RFC3: variants seen among roughly 807,000 people sequenced by gnomAD.
The protein encoded by RFC3 is A1 38 kDa subunit.
RFC3 carries 41 observed loss-of-function variants against 45.1 expected under a neutral mutation model. That is an observed-to-expected ratio of 0.91 (90% confidence interval 0.71 to 1.18). The LOEUF (loss-of-function observed/expected upper bound fraction) is 1.18, where lower values mean the gene tolerates loss of function less well. RFC3 is among the 50% of genes most tolerant of loss of function. The pLI is 0.00. For synonymous variants in RFC3, 149 were observed against 144.0 expected (o/e 1.03, Z -0.25); for missense variants, 423 against 428.1 (o/e 0.99, Z 0.10).
At chr13:33,904,912 G>A (rs1446034360) in intron 8 of RFC3, among the ~76,000 whole-genome samples, 3 of 151,930 alleles carry the variant, frequency 2.0e-5, no homozygotes, top group East Asian at 1.9e-4. Context: ...AAATAAGACC[G>A]AACAATATGT....
chr13:33,886,224 C>T (rs576227371), intron 8 of RFC3, among the ~76,000 whole-genome samples: 2 of 152,112 alleles, frequency 1.3e-5, no homozygotes, highest in East Asian at 3.9e-4. Flanking sequence ...CCTGAACTAC[C>T]CTAGAACCAC....
At chr13:33,826,748 GT>G (rs538985655) in intron 4 of RFC3, among the ~76,000 whole-genome samples, 3 of 152,058 alleles carry the variant, frequency 2.0e-5, no homozygotes, top group Admixed American at 1.3e-4. Context: ...GGTAGTTTGA[GT>G]TTTTTTAGAT....
At chr13:33,956,228 G>T (rs1243414425) in intron 8 of RFC3, among the ~76,000 whole-genome samples, 2 of 152,130 alleles carry the variant, frequency 1.3e-5, no homozygotes, top group Admixed American at 1.3e-4. Flanking sequence ...TTGCACTGAG[G>T]TTAATTAAAA....
At chr13:33,903,464 A>G (rs547621038) in intron 8 of RFC3, among the ~76,000 whole-genome samples, 11 of 152,192 alleles carry the variant, frequency 7.2e-5, no homozygotes, top group Middle Eastern at 3.4e-3. Flanking sequence ...TTTAAGTGAA[A>G]TGTATTTACT....
rs538706690 is a variant in RFC3 at position 33,939,898 on chromosome 13, G to T, written c.880-26189G>T. 1.8e-3 allele frequency among the ~76,000 whole-genome samples: 278 copies of T among 152,220 alleles called. 2 individuals are homozygous for T. Among genetic ancestry groups the T allele is most frequent in the Non-Finnish European group, 2.9e-3 (200 of 67,996 alleles). ...ATTTTCTCTTGTCTTTTTAATATTT[G>T]TAAGATCTGAGAGGGTGCTTCTTTT... On this transcript the variant is annotated intron_variant, in intron 8 of 8. Coordinates refer to the RFC3 transcript ENST00000434425.
At chr13:33,975,435 G>A in the RFC3 span, among the ~76,000 whole-genome samples, 2 of 152,106 alleles carry the variant, frequency 1.3e-5, no homozygotes, top group South Asian at 4.1e-4. Flanking sequence ...TTTTAGACTG[G>A]TAAAACTATT....
At chr13:33,851,267 T>G (rs1446543730) in intron 8 of RFC3, among the ~76,000 whole-genome samples, 1 of 152,220 alleles carries the variant, frequency 6.6e-6, no homozygotes, top group Non-Finnish European at 1.5e-5. Flanking sequence ...GATTCCTTAG[T>G]TTATAATATA....
chr13:33,858,540 C>T (rs1469055320), intron 8 of RFC3, among the ~76,000 whole-genome samples: 1 of 152,158 alleles, frequency 6.6e-6, no homozygotes, highest in Admixed American at 6.5e-5. Flanking sequence ...GAGATGGCAG[C>T]TGAAACCCCA....
chr13:33,901,376 G>T (rs1046401470), intron 8 of RFC3, among the ~76,000 whole-genome samples: 1 of 151,930 alleles, frequency 6.6e-6, no homozygotes, highest in African/African-American at 2.4e-5. Flanking sequence ...ATAAAATCTT[G>T]CCATTTTCAG....
At chr13:33,876,490 A>G (rs956498978) in intron 8 of RFC3, among the ~76,000 whole-genome samples, 10 of 152,218 alleles carry the variant, frequency 6.6e-5, no homozygotes, top group Non-Finnish European at 5.9e-5. Context: ...TCATATTTTT[A>G]TCTTAATCCA....
intron 8 of RFC3, among the ~76,000 whole-genome samples, chr13:33,928,865 G>T (rs1361741546): frequency 6.6e-6 from 1 of 152,076 alleles, no homozygotes; most frequent in Non-Finnish European, 1.5e-5. Flanking sequence ...TCTGAAATGG[G>T]TTAGTTGCCC....
intron 8 of RFC3, among the ~76,000 whole-genome samples, chr13:33,907,250 A>G (rs1487873954): frequency 6.6e-6 from 1 of 152,088 alleles, no homozygotes; most frequent in Non-Finnish European, 1.5e-5. Context: ...TTGCTTTTGG[A>G]TTGTGAAAAT....
chr13:33,853,522 T>C (rs1190738779), intron 8 of RFC3, among the ~76,000 whole-genome samples: 2 of 152,180 alleles, frequency 1.3e-5, no homozygotes, highest in Non-Finnish European at 2.9e-5. Context: ...TAAAAGATGG[T>C]ACTTCAGTTC....
chr13:33,953,990 A>G (rs2083005870), intron 8 of RFC3, among the ~76,000 whole-genome samples: 1 of 152,196 alleles, frequency 6.6e-6, no homozygotes, highest in Non-Finnish European at 1.5e-5. Flanking sequence ...TGGGATGATG[A>G]GAAGACCTCA....
chr13:33,882,128 T>G (rs1406183975), intron 8 of RFC3, among the ~76,000 whole-genome samples: 1 of 152,252 alleles, frequency 6.6e-6, no homozygotes, highest in East Asian at 1.9e-4. Flanking sequence ...AGATAATTTC[T>G]TTGTATCCTA....
intron 8 of RFC3, among the ~76,000 whole-genome samples, chr13:33,852,748 C>T (rs1329326739): frequency 6.6e-6 from 1 of 152,114 alleles, no homozygotes; most frequent in Admixed American, 6.6e-5. Flanking sequence ...TACTTGTTTG[C>T]ATTTGGCTTT....
At chr13:33,877,979 T>C (rs1359451723) in intron 8 of RFC3, among the ~76,000 whole-genome samples, 2 of 151,920 alleles carry the variant, frequency 1.3e-5, no homozygotes, top group Non-Finnish European at 2.9e-5. Flanking sequence ...TGAGATCTTG[T>C]CAAGTTAGTA....
intron 8 of RFC3, among the ~76,000 whole-genome samples, chr13:33,947,827 T>C (rs569635841): frequency 6.6e-6 from 1 of 152,332 alleles, no homozygotes; most frequent in South Asian, 2.1e-4. Context: ...ATTTTGGCCC[T>C]GTCCTAGAGA....
intron 8 of RFC3, among the ~76,000 whole-genome samples, chr13:33,919,210 G>A (rs2082752224): frequency 6.6e-6 from 1 of 151,812 alleles, no homozygotes; most frequent in Non-Finnish European, 1.5e-5. Context: ...TCAAAGCAGT[G>A]TTTTCAATTA....
Sources: allele counts gnomAD v4.1 joint callset (sites outside exome capture counted in the v4.1 genomes callset), GRCh38; gene constraint gnomAD v4.1.1; transcripts MANE v1.5; gene names NCBI Gene and HGNC (gene_info 2026-07-23, HGNC 2026-07-21).